LRRC4C: variants seen among roughly 807,000 people sequenced by gnomAD.
LRRC4C encodes leucine-rich repeat-containing protein 4C.
LRRC4C carries 5 observed loss-of-function variants against 33.6 expected under a neutral mutation model. The observed-to-expected ratio is 0.15, with a 90% CI of 0.08 to 0.31. LRRC4C has a LOEUF of 0.31. LRRC4C is among the 10% of genes least tolerant of loss of function. LRRC4C has a pLI of 1.00. For missense variants in LRRC4C, 560 were observed against 796.7 expected, an observed-to-expected ratio of 0.70 and a Z score of 3.58; for synonymous variants, 329 against 302.0, an observed-to-expected ratio of 1.09 and a Z score of -0.93.
chr11:41,221,272 C>T (rs756574131), intron 1 of LRRC4C, among the ~76,000 whole-genome samples: 6 of 148,514 alleles, frequency 4.0e-5, no homozygotes, highest in Admixed American at 1.3e-4. Context: ...GACATATGTG[C>T]GGCCAACCAT....
At chr11:40,767,913 T>A (rs1565036148) in intron 2 of LRRC4C, among the ~76,000 whole-genome samples, 1 of 151,484 alleles carries the variant, frequency 6.6e-6, no homozygotes, top group African/African-American at 2.4e-5. Flanking sequence ...TTTAAATAAT[T>A]AAAAATACAG....
chr11:40,966,413 GC>G (rs1851370044), intron 1 of LRRC4C, among the ~76,000 whole-genome samples: 1 of 151,876 alleles, frequency 6.6e-6, no homozygotes, highest in South Asian at 2.1e-4. Context: ...TACATATGGG[GC>G]TAAGTGAGCT....
chr11:41,123,852 C>A (rs1052587861), intron 1 of LRRC4C, among the ~76,000 whole-genome samples: 24 of 152,306 alleles, frequency 1.6e-4, no homozygotes, highest in Non-Finnish European at 2.2e-4. Context: ...CGTGTAAACT[C>A]TTTTCCTGCT....
intron 1 of LRRC4C, among the ~76,000 whole-genome samples, chr11:41,265,684 T>C (rs1214268777): frequency 6.6e-6 from 1 of 152,124 alleles, no homozygotes; most frequent in Non-Finnish European, 1.5e-5. Context: ...AATGGAATTC[T>C]GCAGGGCATT....
intron 5 of LRRC4C, among the ~76,000 whole-genome samples, chr11:40,153,874 G>A (rs573411235): frequency 3.7e-4 from 56 of 152,242 alleles, no homozygotes; most frequent in African/African-American, 1.3e-3. Context: ...ACATATTTGG[G>A]GAAAACTTCC....
In LRRC4C at chr11:41,351,222, G is replaced by GACACACACACACATAC. The variant is rs1184917324; in HGVS notation, c.-496+108193_-496+108208dup. Among the ~76,000 whole-genome samples the GACACACACACACATAC allele has an allele frequency of 4.7e-3, 655 of 140,264 alleles. 1 individual carries two copies. Among genetic ancestry groups the GACACACACACACATAC allele is most frequent in the Middle Eastern group, 0.011 (3 of 278 alleles). The allele number at this position is 140,264 out of a possible 152,430, so 92.0% of individuals were successfully genotyped here. A position where few individuals can be genotyped will look rare whatever the true frequency, so the allele number is the denominator to read the frequency against. On this transcript the variant is annotated intron_variant, in intron 1 of 6. Transcript: ENST00000528697. ...ACTGCACTCCAGCCTGGGTGAGTGA[G>GACACACACACACATAC]ACACACACACACATACACACACACA... is the stretch of plus-strand genomic sequence containing the variant.
At chr11:40,560,442 TTGTGTGTGTGTGTG>T (rs66917448) in intron 3 of LRRC4C, among the ~76,000 whole-genome samples, 3 of 149,314 alleles carry the variant, frequency 2.0e-5, no homozygotes, top group Admixed American at 1.3e-4. Context: ...GTGCCTGTGT[TTGTGTGTGTGTGTG>T]TGTGTGTGTG....
intron 2 of LRRC4C, among the ~76,000 whole-genome samples, chr11:40,653,917 A>G (rs1192128047): frequency 6.6e-6 from 1 of 152,180 alleles, no homozygotes; most frequent in Non-Finnish European, 1.5e-5. Flanking sequence ...GGTGTCCTGC[A>G]TTCCAGCTGA....
intron 3 of LRRC4C, among the ~76,000 whole-genome samples, chr11:40,323,053 C>T (rs1331715688): frequency 6.6e-6 from 1 of 152,140 alleles, no homozygotes; most frequent in Admixed American, 6.5e-5. Flanking sequence ...AATCTCTATA[C>T]ATATTTGAAA....
chr11:40,667,718 C>T (rs530653794), intron 2 of LRRC4C, among the ~76,000 whole-genome samples: 4 of 152,252 alleles, frequency 2.6e-5, no homozygotes, highest in African/African-American at 7.2e-5. Context: ...GAAATGGGAC[C>T]TCAGTCCTAT....
chr11:40,791,463 C>T (rs923785033), intron 2 of LRRC4C, among the ~76,000 whole-genome samples: 3 of 152,122 alleles, frequency 2.0e-5, no homozygotes, highest in African/African-American at 7.2e-5. Context: ...CTTCTACATA[C>T]AGGCTCTTCA....
chr11:41,200,245 G>T (rs1169333253), intron 1 of LRRC4C, among the ~76,000 whole-genome samples: 1 of 152,046 alleles, frequency 6.6e-6, no homozygotes, highest in Non-Finnish European at 1.5e-5. Context: ...GGTGACAGCA[G>T]GTTCTAAATA....
intron 1 of LRRC4C, among the ~76,000 whole-genome samples, chr11:41,176,618 T>A (rs1380599631): frequency 2.0e-5 from 3 of 152,184 alleles, no homozygotes; most frequent in Non-Finnish European, 2.9e-5. Flanking sequence ...ATATTTATAC[T>A]ATATCTAATA....
At chr11:40,559,349 A>G (rs1203391259) in intron 3 of LRRC4C, among the ~76,000 whole-genome samples, 1 of 151,732 alleles carries the variant, frequency 6.6e-6, no homozygotes, top group Non-Finnish European at 1.5e-5. Context: ...TCACCTGGCT[A>G]ATTTTTTGTA....
chr11:40,145,440 T>G (rs1857657464), intron 5 of LRRC4C, among the ~76,000 whole-genome samples: 1 of 152,254 alleles, frequency 6.6e-6, no homozygotes, highest in South Asian at 2.1e-4. Context: ...TCTCAACCAA[T>G]GGGAAAAAAA....
chr11:40,540,994 C>A (rs1956685645), intron 3 of LRRC4C, among the ~76,000 whole-genome samples: 1 of 152,094 alleles, frequency 6.6e-6, no homozygotes, highest in Non-Finnish European at 1.5e-5. Context: ...CTCCTCAAAG[C>A]ACCTATAGGG....
intron 4 of LRRC4C, among the ~76,000 whole-genome samples, chr11:40,296,174 A>T (rs1944501287): frequency 6.6e-6 from 1 of 152,162 alleles, no homozygotes; most frequent in African/African-American, 2.4e-5. Flanking sequence ...CAAAATGGAA[A>T]AAGGAACAGC....
At chr11:40,542,063 T>C (rs1956737185) in intron 3 of LRRC4C, among the ~76,000 whole-genome samples, 1 of 151,658 alleles carries the variant, frequency 6.6e-6, no homozygotes, top group Non-Finnish European at 1.5e-5. Context: ...TCTTTCTTTC[T>C]TTCTCTCTCT....
intron 5 of LRRC4C, among the ~76,000 whole-genome samples, chr11:40,227,449 C>T (rs1433213681): frequency 6.6e-6 from 1 of 152,134 alleles, no homozygotes; most frequent in Admixed American, 6.5e-5. Context: ...AGTAAGTTTA[C>T]CACTGACACT....
Sources: gnomAD v4.1 joint callset for allele counts (sites outside exome capture counted in the v4.1 genomes callset) on GRCh38, gnomAD v4.1.1 for gene constraint, MANE v1.5 for transcripts, NCBI Gene and HGNC (gene_info 2026-07-23, HGNC 2026-07-21) for gene names.